The following XPO5 variants were observed in gnomAD, a reference collection of about 807,000 sequenced individuals.
XPO5 encodes the protein exportin-5.
In XPO5, 46 loss-of-function variants were observed where a neutral mutation model predicts 160.6. The ratio of observed to expected loss-of-function variants is 0.29; its 90% CI spans 0.23 to 0.37. The LOEUF is 0.37. Among genes scored for constraint, XPO5 ranks in the 10% least tolerant of loss-of-function variants. The pLI, the probability that XPO5 is intolerant of heterozygous loss-of-function variation, is 1.00. For missense variants in XPO5, 1,090 were observed against 1,463.9 expected (o/e 0.74, Z 4.17); for synonymous variants, 537 against 519.3 (o/e 1.03, Z -0.46).
At chr6:43,568,782 C>T (rs369731082) in intron 5 of XPO5, 45 bp from the exon 6 acceptor site, 1 of 1,511,138 alleles carries the variant, frequency 6.6e-7, no homozygotes, top group Non-Finnish European at 8.9e-7. Context: ...GAGCAAAAGG[C>T]CACATAATAA....
chr6:43,567,381 C>T, intron 6 of XPO5, 27 bp from the exon 7 acceptor site: 1 of 1,572,928 alleles, frequency 6.4e-7, no homozygotes, highest in South Asian at 1.2e-5. Context: ...AACTTTGGAC[C>T]ATGAAGTCCT....
rs764947437 is a variant in XPO5, at chr6:43,525,155, C to T, written c.3126G>A (p.Leu1042=). The change falls in exon 29 of 32, where the codon CTG becomes CTA. Residue 1042 remains leucine, a synonymous_variant. Transcript: ENST00000265351. ...AFNSLAWKDT[L]SCQRTTSQLC... ...GCTGTGAGGTTGTCCTCTGGCAGGA[C>T]AGAGTATCTTTCCAGGCCAGGGAAT... 46 of 1,584,574 alleles carry T rather than the reference C, an allele frequency of 2.9e-5. No homozygotes were observed. Among genetic ancestry groups the T allele is most frequent in the Middle Eastern group, 1.7e-4 (1 of 6,058 alleles).
At chr6:43,538,930 C>A (rs1160864189) in intron 20 of XPO5, 19 of 1,279,256 alleles carry the variant, frequency 1.5e-5, no homozygotes, top group Admixed American at 3.4e-5. Flanking sequence ...TAAATACAGT[C>A]TCCTTCCAGA....
At chr6:43,537,533 A>G (rs560134996) in intron 20 of XPO5, among the ~76,000 whole-genome samples, 1 of 152,372 alleles carries the variant, frequency 6.6e-6, no homozygotes, top group East Asian at 1.9e-4. Flanking sequence ...CATAAACAGT[A>G]GGTAAATGAA....
chr6:43,535,353 GCC>G (rs892246941), intron 20 of XPO5, among the ~76,000 whole-genome samples: 1 of 152,094 alleles, frequency 6.6e-6, no homozygotes, highest in Non-Finnish European at 1.5e-5. Context: ...ACTTTGGGAG[GCC>G]GAGGTGGGTG....
At chr6:43,555,995 G>A (rs1429941612) in intron 12 of XPO5, 31 bp from the exon 13 acceptor site, 1 of 1,611,078 alleles carries the variant, frequency 6.2e-7, no homozygotes, top group Admixed American at 1.7e-5. Flanking sequence ...GGGAAGGACA[G>A]GAATCAATAA....
At chr6:43,524,798 C>CAG in intron 30 of XPO5, 33 bp downstream of exon 30, 1 of 1,610,954 alleles carries the variant, frequency 6.2e-7, no homozygotes, top group Non-Finnish European at 8.5e-7. Context: ...GATGAAGCTG[C>CAG]AGCCATCCTT....
At chr6:43,531,146 C>A (rs1793949443) in intron 22 of XPO5, among the ~76,000 whole-genome samples, 1 of 152,206 alleles carries the variant, frequency 6.6e-6, no homozygotes, top group Non-Finnish European at 1.5e-5. Flanking sequence ...ATCCAGCCAC[C>A]CGACTCCTAT....
intron 20 of XPO5, chr6:43,538,960 G>A (rs1794520082): frequency 1.1e-5 from 15 of 1,373,108 alleles, no homozygotes; most frequent in Non-Finnish European, 1.5e-5. Context: ...TCAGGTAGCT[G>A]TAGGTCTTAG....
intron 15 of XPO5, among the ~76,000 whole-genome samples, chr6:43,550,753 T>A (rs1431404590): frequency 6.6e-6 from 1 of 152,216 alleles, no homozygotes; most frequent in East Asian, 1.9e-4. Flanking sequence ...ATGCTTTCTC[T>A]TCTTTAGTCC....
At chr6:43,548,172 C>T in intron 18 of XPO5, 89 bp downstream of exon 18, 1 of 1,322,764 alleles carries the variant, frequency 7.6e-7, no homozygotes, top group South Asian at 1.6e-5. Flanking sequence ...ACTTCAATAT[C>T]CTTAACCCCT....
At chr6:43,556,884 T>C (rs1388841974) in intron 12 of XPO5, among the ~76,000 whole-genome samples, 1 of 152,014 alleles carries the variant, frequency 6.6e-6, no homozygotes, top group Non-Finnish European at 1.5e-5. Flanking sequence ...ATCCAGCACT[T>C]TGGGACGCCA....
intron 20 of XPO5, 87 bp downstream of exon 20, chr6:43,546,484 G>C: frequency 7.6e-7 from 1 of 1,324,272 alleles, no homozygotes; most frequent in Non-Finnish European, 1.0e-6. Flanking sequence ...ATACCACTAA[G>C]ATATGAAGAC....
chr6:43,536,166 G>A (rs1794308453), intron 20 of XPO5, among the ~76,000 whole-genome samples: 1 of 151,706 alleles, frequency 6.6e-6, no homozygotes, highest in South Asian at 2.1e-4. Flanking sequence ...TGTAATCCCA[G>A]CACTTTGGGA....
At position 43,531,565 on chromosome 6, in the gene XPO5, T is replaced by A; in HGVS notation, c.2454A>T (p.Gln818His). The A allele has an allele frequency of 6.2e-7, 1 of 1,613,630 alleles. No homozygotes were observed. Among genetic ancestry groups the A allele is most frequent in the Non-Finnish European group, 8.5e-7 (1 of 1,179,706 alleles). Residue 818 changes from glutamine (Q) to histidine (H), a missense_variant, in exon 22 of 32, where the codon CAA becomes CAT. Transcript: ENST00000265351. ...GAGAGTCATTGAGTTCCAAGAGAGG[T>A]TGAGGTAATCCTACAGGGAAATACG... ...AEKSAILGLP[Q>H]PLLELNDSPV...
At chr6:43,556,081 G>T in intron 12 of XPO5, 117 bp from the exon 13 acceptor site, 1 of 1,387,868 alleles carries the variant, frequency 7.2e-7, no homozygotes, top group Non-Finnish European at 9.7e-7. Flanking sequence ...CTGTTTTGCA[G>T]ACTTGTGCTT....
At chr6:43,534,826 T>C (rs1794217038) in intron 20 of XPO5, among the ~76,000 whole-genome samples, 2 of 151,364 alleles carry the variant, frequency 1.3e-5, no homozygotes, top group South Asian at 4.2e-4. Flanking sequence ...AGGGAAACCC[T>C]GTCTCTACTA....
chr6:43,522,780 G>T lies in XPO5; in HGVS notation c.*1088C>A. The T allele has an allele frequency of 2.2e-6, 1 of 451,270 alleles. No individual in the cohort carries two copies. Among genetic ancestry groups the T allele is most frequent in the South Asian group, 1.6e-5 (1 of 62,564 alleles). 28.0% of individuals were successfully genotyped at this position (451,270 alleles called of 1,614,324 possible). A position where few individuals can be genotyped will look rare whatever the true frequency, so the allele number is the denominator to read the frequency against. On this transcript the variant is annotated 3_prime_UTR_variant, in exon 32 of 32. Coordinates refer to ENST00000265351, the MANE Select transcript of XPO5 (RefSeq NM_020750.3). ...AGAGCACATGGACACACTGGTTTCT[G>T]TATGGATTAACTCTGCCTTACGGCC...
At chr6:43,567,103 G>C in intron 7 of XPO5, 66 bp downstream of exon 7, 1 of 1,455,472 alleles carries the variant, frequency 6.9e-7, no homozygotes, top group Non-Finnish European at 9.2e-7. Context: ...GCCACAACAT[G>C]CAATTAAACA....
Sources: allele counts gnomAD v4.1 joint callset (sites outside exome capture counted in the v4.1 genomes callset), GRCh38; gene constraint gnomAD v4.1.1; transcripts MANE v1.5; gene names NCBI Gene and HGNC (gene_info 2026-07-23, HGNC 2026-07-21).